BNIP2: variants seen among roughly 807,000 people sequenced by gnomAD.
The protein encoded by BNIP2 is BCL2/adenovirus E1B 19 kDa protein-interacting protein 2.
BNIP2 carries 36 observed loss-of-function variants against 43.4 expected under a neutral mutation model. That is an observed-to-expected ratio of 0.83 (90% CI 0.64 to 1.10). The LOEUF (loss-of-function observed/expected upper bound fraction) is 1.10, where lower values mean the gene tolerates loss of function less well. Ranked by LOEUF, BNIP2 falls within the 50% of genes least tolerant of loss-of-function variation. The pLI is 0.00. For missense variants in BNIP2, 417 were observed against 374.1 expected, an observed-to-expected ratio of 1.11 and a Z score of -0.95; for synonymous variants, 146 against 121.0, an observed-to-expected ratio of 1.21 and a Z score of -1.35.
intron 5 of BNIP2, chr15:59,676,871 C>T (rs1049728457): frequency 8.2e-6 from 13 of 1,586,824 alleles, no homozygotes; most frequent in African/African-American, 5.4e-5. Context: ...GCTCTCGCTG[C>T]GTTCGCTCAC....
intron 5 of BNIP2, among the ~76,000 whole-genome samples, chr15:59,677,505 T>C (rs948527740): frequency 2.6e-5 from 4 of 152,204 alleles, no homozygotes; most frequent in Non-Finnish European, 5.9e-5. Context: ...CCACGTATTA[T>C]AGTGTTTTCC....
In BNIP2 at chr15:59,678,020, T is replaced by C. The variant is rs1437677772; in HGVS notation, c.363A>G (p.Ala121=). The C allele has an allele frequency of 2.5e-6, 4 of 1,613,920 alleles. No individual in the cohort carries two copies. The highest frequency in any genetic ancestry group is 8.5e-7 in the Non-Finnish European group (1 of 1,179,900). Residue 121 remains alanine, a synonymous_variant, in exon 5 of 10, where the codon GCA becomes GCG. Transcript: ENST00000607373. The part of the protein sequence containing the change: ...RKGSITEYTA[A]EEKEDGRRWR... ...AGCGTCGTCCATCTTCTTTTTCCTC[T>C]GCTGCTGTGTATTCAGTAATTGAGC...
In BNIP2 at chr15:59,663,875, C is replaced by A. The variant is rs1312871085; in HGVS notation, c.*194G>T. The A allele has an allele frequency of 1.0e-5, 4 of 399,228 alleles. No individual in the cohort carries two copies. The highest frequency in any genetic ancestry group is 1.8e-5 in the Non-Finnish European group (4 of 226,022). The allele number at this position is 399,228 out of a possible 1,614,324, so 24.7% of individuals were successfully genotyped here. ...AATAATACAGTTAGCTATTAAAGAG[C>A]TAAATTCAAGAAATTTGCAAACCAG... On this transcript the variant is annotated 3_prime_UTR_variant, in exon 10 of 10. Coordinates refer to ENST00000607373, the MANE Select transcript of BNIP2 (RefSeq NM_004330.4).
intron 1 of BNIP2, among the ~76,000 whole-genome samples, chr15:59,687,453 G>GT (rs1894096569): frequency 6.6e-6 from 1 of 151,064 alleles, no homozygotes; most frequent in Admixed American, 6.6e-5. Flanking sequence ...CCAGGTTCAA[G>GT]TGATTCTTGT....
At chr15:59,666,132 A>G (rs1389537494) in intron 9 of BNIP2, among the ~76,000 whole-genome samples, 1 of 152,208 alleles carries the variant, frequency 6.6e-6, no homozygotes, top group Admixed American at 6.5e-5. Context: ...TGAAAGAAAC[A>G]TTTTAAACAT....
chr15:59,666,947 A>G (rs1892605292), intron 9 of BNIP2, among the ~76,000 whole-genome samples: 1 of 152,200 alleles, frequency 6.6e-6, no homozygotes, highest in African/African-American at 2.4e-5. Flanking sequence ...ACTTTTTTTA[A>G]AAAGGCTTAA....
intron 1 of BNIP2, among the ~76,000 whole-genome samples, chr15:59,688,288 T>C (rs767893635): frequency 1.2e-4 from 19 of 152,204 alleles, no homozygotes; most frequent in Non-Finnish European, 2.5e-4. Flanking sequence ...TTACAGAATT[T>C]GTTTCTACAA....
At chr15:59,667,912 T>C (rs970825398) in intron 9 of BNIP2, among the ~76,000 whole-genome samples, 42 of 152,360 alleles carry the variant, frequency 2.8e-4, no homozygotes, top group African/African-American at 9.1e-4. Flanking sequence ...TATATGGCAA[T>C]AAAACATGGT....
intron 4 of BNIP2, chr15:59,678,585 T>G: frequency 9.0e-7 from 1 of 1,115,070 alleles, no homozygotes; most frequent in Non-Finnish European, 1.1e-6. Context: ...AAAGCAGAAA[T>G]GTATTTATAA....
At chr15:59,687,596 C>T (rs118116426) in intron 1 of BNIP2, among the ~76,000 whole-genome samples, 233 of 152,092 alleles carry the variant, frequency 1.5e-3, no homozygotes, top group Non-Finnish European at 2.5e-3. Context: ...TCATTTTTTG[C>T]TCCTGACCTC....
chr15:59,674,756 C>A (rs1893160811), intron 5 of BNIP2, among the ~76,000 whole-genome samples: 1 of 152,210 alleles, frequency 6.6e-6, no homozygotes, highest in Non-Finnish European at 1.5e-5. Flanking sequence ...TGACTTACCA[C>A]TAACATTCTA....
At chr15:59,675,835 A>G (rs1893248490) in intron 5 of BNIP2, among the ~76,000 whole-genome samples, 1 of 152,192 alleles carries the variant, frequency 6.6e-6, no homozygotes, top group Non-Finnish European at 1.5e-5. Context: ...AATCTCAAAA[A>G]CTTCATGCTG....
At chr15:59,673,264 C>T (rs1393878344) in intron 5 of BNIP2, among the ~76,000 whole-genome samples, 1 of 152,004 alleles carries the variant, frequency 6.6e-6, no homozygotes, top group Non-Finnish European at 1.5e-5. Context: ...AAGCGCACAC[C>T]ACCGTGCCCG....
intron 4 of BNIP2, chr15:59,678,950 A>G: frequency 9.7e-7 from 1 of 1,036,098 alleles, no homozygotes; most frequent in Non-Finnish European, 1.2e-6. Flanking sequence ...AACAGGGAAG[A>G]AAAAAGAAAC....
At chr15:59,688,584 A>C in intron 1 of BNIP2, 1 of 951,612 alleles carries the variant, frequency 1.1e-6, no homozygotes, top group East Asian at 2.7e-5. Context: ...CAGGTATTTA[A>C]ACAGAAAGGG....
At chr15:59,680,391 A>G in intron 2 of BNIP2, 83 bp from the exon 3 acceptor site, 2 of 1,023,174 alleles carry the variant, frequency 2.0e-6, no homozygotes, top group Non-Finnish European at 2.8e-6. Context: ...CATACAGCTT[A>G]TAGAAATAAT....
chr15:59,688,827 AGGGTGG>A (rs1894193400), intron 1 of BNIP2: 7 of 1,433,714 alleles, frequency 4.9e-6, no homozygotes, highest in Non-Finnish European at 4.6e-6. Context: ...CCAGGGTAAA[AGGGTGG>A]GGGAGCGGAG....
intron 1 of BNIP2, among the ~76,000 whole-genome samples, chr15:59,685,291 G>A (rs1419461138): frequency 6.6e-6 from 1 of 152,124 alleles, no homozygotes; most frequent in Non-Finnish European, 1.5e-5. Flanking sequence ...CCTGAGGTCA[G>A]GAGTTTGAGA....
intron 1 of BNIP2, among the ~76,000 whole-genome samples, chr15:59,687,352 CTTTT>C (rs35912734): frequency 9.4e-5 from 13 of 137,768 alleles, no homozygotes; most frequent in East Asian, 2.2e-4. Context: ...TCTTTTCATC[CTTTT>C]TTTTTTTTTT....
Sources: allele counts gnomAD v4.1 joint callset (sites outside exome capture counted in the v4.1 genomes callset), GRCh38; gene constraint gnomAD v4.1.1; transcripts MANE v1.5; gene names NCBI Gene and HGNC (gene_info 2026-07-23, HGNC 2026-07-21).